The following NRK variants were observed in gnomAD, a reference collection of about 807,000 sequenced individuals.
NRK encodes Nik related kinase.
In NRK, 67 loss-of-function variants were observed where a neutral mutation model predicts 125.2. The observed-to-expected ratio is 0.54, with a 90% CI of 0.44 to 0.66. NRK has a LOEUF of 0.66. Among genes scored for constraint, NRK ranks in the 30% least tolerant of loss-of-function variants. The pLI is 0.00. For synonymous variants in NRK, 458 were observed against 429.0 expected (o/e 1.07, Z -0.84); for missense variants, 1,224 against 1,192.9 (o/e 1.03, Z -0.38).
chrX:105,912,615 A>G, intron 13 of NRK, 33 bp from the exon 14 acceptor site: 1 of 775,247 alleles, frequency 1.3e-6, no homozygotes, highest in Non-Finnish European at 1.8e-6. Context: ...TTTAACAACA[A>G]TTAAAACAAT....
At chrX:105,884,974 A>G (rs57455763) in intron 4 of NRK, among the ~76,000 whole-genome samples, 12,565 of 110,505 alleles carry the variant, frequency 0.11, 1,810 homozygotes, top group African/African-American at 0.4. Context: ...TACTTTTAGT[A>G]GAGATGGGGT....
chrX:105,900,592 C>CT (rs1602653713), intron 8 of NRK, 26 bp from the exon 9 acceptor site: 2 of 1,131,643 alleles, frequency 1.8e-6, no homozygotes, highest in Middle Eastern at 2.4e-4. Context: ...TTTTAAGTGA[C>CT]TTTTTTGTCA....
intron 13 of NRK, 76 bp downstream of exon 13, chrX:105,909,958 C>T (rs2040277791): frequency 3.7e-6 from 3 of 806,475 alleles, no homozygotes; most frequent in South Asian, 3.0e-5. Flanking sequence ...TGTTTTTTCT[C>T]AGTAAAACCA....
At chrX:105,903,884 A>G (rs987556371) in intron 9 of NRK, among the ~76,000 whole-genome samples, 2 of 112,185 alleles carry the variant, frequency 1.8e-5, no homozygotes, top group African/African-American at 6.5e-5. Context: ...CTGATTGGAC[A>G]TAGTAAAAGA....
chrX:105,852,053 C>A (rs1196734154), intron 2 of NRK, among the ~76,000 whole-genome samples: 2 of 111,945 alleles, frequency 1.8e-5, no homozygotes, highest in Non-Finnish European at 3.8e-5. Context: ...ACAGTTAAAC[C>A]ATATTAGATA....
At chrX:105,826,294 C>A (rs1305858852) in intron 1 of NRK, among the ~76,000 whole-genome samples, 16 of 74,621 alleles carry the variant, frequency 2.1e-4, no homozygotes, top group South Asian at 1.8e-3. Context: ...TATATATTAT[C>A]ATATATATAA....
chrX:105,878,660 T>A (rs959669944), intron 2 of NRK, among the ~76,000 whole-genome samples: 7 of 433 alleles, frequency 0.016, no homozygotes, highest in Admixed American at 0.12. Context: ...CTTGGGTTCC[T>A]ACTTTTCTCT....
intron 2 of NRK, among the ~76,000 whole-genome samples, chrX:105,862,074 G>GATCTATCT (rs67834006): frequency 1.1e-3 from 118 of 107,063 alleles, no homozygotes; most frequent in Admixed American, 2.5e-3. Context: ...TCTATCTATT[G>GATCTATCT]ATCTATCTAT....
chrX:105,936,089 C>A (rs962877639), intron 21 of NRK, among the ~76,000 whole-genome samples: 27 of 110,706 alleles, frequency 2.4e-4, no homozygotes, highest in Middle Eastern at 4.7e-3. Flanking sequence ...GCAAGCCAAT[C>A]TGAATCATAA....
chrX:105,857,013 A>T (rs1325775433), intron 2 of NRK, among the ~76,000 whole-genome samples: 1 of 111,503 alleles, frequency 9.0e-6, no homozygotes, highest in African/African-American at 3.3e-5. Flanking sequence ...CCTGTTACAT[A>T]ATAAGTCATC....
intron 17 of NRK, 127 bp from the exon 18 acceptor site, chrX:105,922,991 A>G: frequency 1.4e-6 from 1 of 704,741 alleles, no homozygotes; most frequent in Non-Finnish European, 2.1e-6. Context: ...TTTTGGCTCC[A>G]TCTAATGAGT....
At chrX:105,953,882 AG>A (rs1270800972) in intron 28 of NRK, among the ~76,000 whole-genome samples, 15 of 111,170 alleles carry the variant, frequency 1.3e-4, no homozygotes, top group Non-Finnish European at 2.8e-4. Flanking sequence ...GAGATTGCAG[AG>A]GGTTTGAGTT....
At chrX:105,822,979 GC>G in intron 1 of NRK, 77 bp downstream of exon 1, 1 of 936,801 alleles carries the variant, frequency 1.1e-6, no homozygotes, top group Non-Finnish European at 1.5e-6. Context: ...GGGAGCGGAC[GC>G]CCTCAAAACG....
chrX:105,878,832 C>G (rs373809268), intron 2 of NRK, among the ~76,000 whole-genome samples: 1 of 111,694 alleles, frequency 9.0e-6, no homozygotes, highest in East Asian at 2.8e-4. Flanking sequence ...TTACCTTGCT[C>G]AGTTTCCGTC....
At chrX:105,899,166 T>C (rs912829859) in intron 8 of NRK, among the ~76,000 whole-genome samples, 5 of 112,188 alleles carry the variant, frequency 4.5e-5, no homozygotes, top group African/African-American at 1.6e-4. Context: ...CCTTGGCATG[T>C]TTCACTTCCA....
At chrX:105,920,648 A>G (rs1211789511) in intron 16 of NRK, among the ~76,000 whole-genome samples, 1 of 110,240 alleles carries the variant, frequency 9.1e-6, no homozygotes, top group African/African-American at 3.3e-5. Flanking sequence ...AAAACAAACA[A>G]CCCCATCAAA....
chrX:105,899,284 C>T (rs2040125166), intron 8 of NRK, among the ~76,000 whole-genome samples: 1 of 112,000 alleles, frequency 8.9e-6, no homozygotes, highest in African/African-American at 3.2e-5. Context: ...TCCATGTACA[C>T]ATTTCAAAAG....
rs746532600 is a variant in NRK at position 105,912,755 on chromosome X, G to A, written c.2349G>A (p.Glu783=). The change falls in exon 14 of 29, where the codon GAG becomes GAA. Residue 783 remains glutamate, a splice_region_variant and synonymous_variant. Coordinates refer to ENST00000243300, the MANE Select transcript of NRK (RefSeq NM_198465.4). ...KPYISNPKKI[E]VQERSPSVPN... ...ACATTTCAAATCCTAAAAAAATTGA[G>A]GTAAATTTTTCAATATGAGTTGTTG... The A allele has an allele frequency of 5.5e-5, 54 of 983,636 alleles. 1 individual carries two copies. The highest frequency in any genetic ancestry group is 3.6e-4 in the African/African-American group (18 of 50,566). The allele number at this position is 983,636 out of a possible 1,213,427, so 81.1% of individuals were successfully genotyped here.
At position 105,943,097 on chromosome X, in the gene NRK, G is replaced by A. The variant is rs369351308; in HGVS notation, c.3959-844G>A. On this transcript the variant is annotated intron_variant, in intron 23 of 28. Transcript: ENST00000243300. ...CCTTATATTTGGGTGTCAAATATCA[G>A]AATTCATTGCTATATTCAAGGTCAT... Among the ~76,000 whole-genome samples, 172 of 111,238 alleles carry A rather than the reference G, an allele frequency of 1.5e-3. 1 individual carries two copies. Among genetic ancestry groups the A allele is most frequent in the African/African-American group, 5.3e-3 (163 of 30,563 alleles).
Sources: gnomAD v4.1 joint callset for allele counts (sites outside exome capture counted in the v4.1 genomes callset) on GRCh38, gnomAD v4.1.1 for gene constraint, MANE v1.5 for transcripts, NCBI Gene and HGNC (gene_info 2026-07-23, HGNC 2026-07-21) for gene names.